DIAPH3: variants seen among roughly 807,000 people sequenced by gnomAD.
DIAPH3 encodes diaphanous related formin 3.
Under a neutral mutation model 144.3 loss-of-function variants are expected in DIAPH3, and 117 were observed. That is an observed-to-expected ratio of 0.81 (90% CI 0.70 to 0.95). The LOEUF (loss-of-function observed/expected upper bound fraction) is 0.95. Among genes scored for constraint, DIAPH3 ranks in the 40% least tolerant of loss-of-function variants. DIAPH3 has a pLI of 0.00. For missense variants in DIAPH3, 1,421 were observed against 1,412.7 expected (o/e 1.01, Z -0.09); for synonymous variants, 519 against 488.9 (o/e 1.06, Z -0.81).
chr13:59,877,931 ATT>A (rs1381191849), intron 21 of DIAPH3, among the ~76,000 whole-genome samples: 1 of 151,768 alleles, frequency 6.6e-6, no homozygotes, highest in Admixed American at 6.6e-5. Context: ...TTAAATTCCC[ATT>A]TCTCTCTGAA....
intron 21 of DIAPH3, 109 bp downstream of exon 21, chr13:59,879,120 C>A: frequency 2.0e-6 from 3 of 1,485,790 alleles, no homozygotes; most frequent in Non-Finnish European, 1.8e-6. Context: ...AGTTCAAGTT[C>A]TTGATAATGA....
chr13:59,755,945 T>A (rs2037232409), intron 27 of DIAPH3, among the ~76,000 whole-genome samples: 1 of 152,208 alleles, frequency 6.6e-6, no homozygotes, highest in Admixed American at 6.5e-5. Flanking sequence ...AATATATGGC[T>A]CACAAAGACT....
intron 1 of DIAPH3, among the ~76,000 whole-genome samples, chr13:60,156,750 T>A (rs1182253355): frequency 1.3e-5 from 2 of 151,280 alleles, no homozygotes; most frequent in Admixed American, 6.6e-5. Context: ...TTTGGGGGTA[T>A]AATTTTCTGA....
intron 5 of DIAPH3, among the ~76,000 whole-genome samples, chr13:60,017,623 T>C (rs2053745506): frequency 6.6e-6 from 1 of 152,158 alleles, no homozygotes; most frequent in Admixed American, 6.5e-5. Context: ...TAAATACAAC[T>C]TGACACCTAT....
intron 8 of DIAPH3, 100 bp from the exon 9 acceptor site, chr13:60,008,749 A>G: frequency 1.3e-6 from 1 of 778,412 alleles, no homozygotes; most frequent in Non-Finnish European, 2.3e-6. Context: ...CTAAGCAGCC[A>G]ATATATTTTA....
chr13:59,668,273 A>G (rs771369940), intron 27 of DIAPH3, among the ~76,000 whole-genome samples: 13 of 152,118 alleles, frequency 8.5e-5, no homozygotes, highest in Non-Finnish European at 1.9e-4. Context: ...TAGCTCCCAC[A>G]CCTCTGTCCC....
rs10640305 is a variant in DIAPH3, at chr13:59,668,844, TAC to T, written c.3320-2000_3320-1999del. 2.5e-3 allele frequency among the ~76,000 whole-genome samples: 371 copies of T among 148,308 alleles called. 2 individuals are homozygous for T. Among genetic ancestry groups the T allele is most frequent in the East Asian group, 3.8e-3 (19 of 5,024 alleles). On this transcript the variant is annotated intron_variant, in intron 27 of 27. Transcript: ENST00000400324. Reference sequence around the variant, plus strand: ...ATACACATATATATATATGTATGTATACACACACACACACACACACACAAAAC... The same window carrying T: ...ATACACATATATATATATGTATGTATACACACACACACACACACACAAAAC...
At chr13:60,144,651 G>A (rs1951422063) in intron 1 of DIAPH3, 1 of 152,206 alleles carries the variant, frequency 6.6e-6, no homozygotes, top group African/African-American at 2.4e-5. Flanking sequence ...ACGGACCAAG[G>A]ACATGTATGT....
intron 3 of DIAPH3, among the ~76,000 whole-genome samples, chr13:60,099,907 A>AGAAGGAAGGAAG (rs748938775): frequency 0.012 from 1,241 of 104,794 alleles, 22 homozygotes; most frequent in East Asian, 0.022. Context: ...AGAAAGTAAG[A>AGAAGGAAGGAAG]GAAGGAAGGA....
chr13:59,859,024 C>T (rs1389825286), intron 22 of DIAPH3, among the ~76,000 whole-genome samples: 1 of 152,010 alleles, frequency 6.6e-6, no homozygotes, highest in African/African-American at 2.4e-5. Context: ...AATCTGGAAA[C>T]TTTTAAATGA....
intron 3 of DIAPH3, among the ~76,000 whole-genome samples, chr13:60,103,967 TA>T (rs907209634): frequency 2.0e-5 from 3 of 151,122 alleles, no homozygotes; most frequent in South Asian, 2.1e-4. Flanking sequence ...TAGTGCCAAA[TA>T]AAAAAAAACA....
chr13:59,968,118 A>G lies in DIAPH3; in HGVS notation c.2074+1826T>C, dbSNP rs563154940. ...GATAGAGCAAATACATCATTTTTTTATTCAACCTTGAATCTCAAGGCTAAA... is the reference window on the plus strand; with the variant it reads ...GATAGAGCAAATACATCATTTTTTTGTTCAACCTTGAATCTCAAGGCTAAA... On this transcript the variant is annotated intron_variant, in intron 17 of 27. Transcript: ENST00000400324. Among the ~76,000 whole-genome samples, 28 of 152,332 alleles carry G rather than the reference A, an allele frequency of 1.8e-4. No individual in the cohort carries two copies. The East Asian group carries it at 5.0e-3, about 27-fold the overall frequency.
chr13:59,789,762 C>T (rs1305580069), intron 25 of DIAPH3, among the ~76,000 whole-genome samples: 1 of 151,962 alleles, frequency 6.6e-6, no homozygotes, highest in Non-Finnish European at 1.5e-5. Flanking sequence ...AGCTTGGATT[C>T]GAGGCTGAAG....
intron 1 of DIAPH3, among the ~76,000 whole-genome samples, chr13:60,137,772 C>G (rs1164827061): frequency 7.7e-6 from 1 of 129,066 alleles, no homozygotes; most frequent in Non-Finnish European, 1.6e-5. Context: ...TAGACACAGT[C>G]TTGCTCGGTC....
intron 4 of DIAPH3, among the ~76,000 whole-genome samples, chr13:60,091,367 G>A (rs1028144014): frequency 2.0e-5 from 3 of 152,082 alleles, no homozygotes; most frequent in South Asian, 2.1e-4. Flanking sequence ...GCACGATCTC[G>A]GCTCACTGCA....
intron 22 of DIAPH3, among the ~76,000 whole-genome samples, chr13:59,857,764 ATTTACT>A (rs2043339411): frequency 6.6e-6 from 1 of 152,164 alleles, no homozygotes; most frequent in Non-Finnish European, 1.5e-5. Context: ...GGAAGGTGAC[ATTTACT>A]TTTAAGTTTC....
At chr13:59,678,339 C>T (rs2032754760) in intron 27 of DIAPH3, among the ~76,000 whole-genome samples, 2 of 152,076 alleles carry the variant, frequency 1.3e-5, no homozygotes, top group Non-Finnish European at 1.5e-5. Context: ...AGAAATCTGG[C>T]ATAAGTCATA....
At chr13:59,771,515 G>A (rs1834070284) in intron 27 of DIAPH3, among the ~76,000 whole-genome samples, 2 of 152,034 alleles carry the variant, frequency 1.3e-5, no homozygotes, top group African/African-American at 4.8e-5. Flanking sequence ...GCACACCAGA[G>A]GCTGGAGAAC....
chr13:60,045,523 C>A (rs1321091332), intron 4 of DIAPH3, among the ~76,000 whole-genome samples: 1 of 152,010 alleles, frequency 6.6e-6, no homozygotes, highest in African/African-American at 2.4e-5. Flanking sequence ...AAACATAAGC[C>A]ATAAAGAATA....
Sources: allele counts gnomAD v4.1 joint callset (sites outside exome capture counted in the v4.1 genomes callset), GRCh38; gene constraint gnomAD v4.1.1; transcripts MANE v1.5; gene names NCBI Gene and HGNC (gene_info 2026-07-23, HGNC 2026-07-21).